The following UBE2G1 variants were observed in gnomAD, a reference collection of about 807,000 sequenced individuals.
UBE2G1 encodes the protein ubiquitin-conjugating enzyme E2 G1.
Under a neutral mutation model 22.7 loss-of-function variants are expected in UBE2G1, and 5 were observed. The observed-to-expected ratio is 0.22, with a 90% CI of 0.12 to 0.46. The LOEUF (loss-of-function observed/expected upper bound fraction) is 0.46, where lower values mean the gene tolerates loss of function less well. UBE2G1 is among the 20% of genes least tolerant of loss of function. The pLI is 0.99. For synonymous variants in UBE2G1, 74 were observed against 67.5 expected (o/e 1.10, Z -0.47); for missense variants, 88 against 203.9 (o/e 0.43, Z 3.46).
chr17:4,293,055 T>C (rs2143703594), intron 3 of UBE2G1, among the ~76,000 whole-genome samples: 1 of 152,308 alleles, frequency 6.6e-6, no homozygotes, highest in East Asian at 1.9e-4. Context: ...TACAGAGTTG[T>C]ACAATCAATA....
At chr17:4,327,782 C>A (rs981880986) in intron 1 of UBE2G1, among the ~76,000 whole-genome samples, 6 of 152,168 alleles carry the variant, frequency 3.9e-5, no homozygotes, top group African/African-American at 1.2e-4. Context: ...CACCCTCAAG[C>A]CTTCGACGTG....
intron 3 of UBE2G1, among the ~76,000 whole-genome samples, chr17:4,294,443 AAG>A (rs1969083685): frequency 1.4e-5 from 1 of 70,162 alleles, no homozygotes; most frequent in Admixed American, 1.7e-4. Context: ...AAAAAAAAGA[AAG>A]AAACGAAAAG....
chr17:4,301,863 T>C, intron 2 of UBE2G1: 1 of 502,234 alleles, frequency 2.0e-6, no homozygotes, highest in Admixed American at 2.3e-5. Flanking sequence ...ATGAACTTCG[T>C]GAGTTGGCTG....
intron 1 of UBE2G1, among the ~76,000 whole-genome samples, chr17:4,309,638 T>C (rs1050132789): frequency 6.6e-6 from 1 of 152,210 alleles, no homozygotes; most frequent in Non-Finnish European, 1.5e-5. Flanking sequence ...TGAGGAGTTA[T>C]TTTCTACATG....
intron 1 of UBE2G1, among the ~76,000 whole-genome samples, chr17:4,344,194 G>A (rs1170281059): frequency 6.6e-6 from 1 of 152,164 alleles, no homozygotes; most frequent in Non-Finnish European, 1.5e-5. Context: ...AGTACTTAGA[G>A]CTGTTAACAC....
chr17:4,291,866 T>C (rs1009486107), intron 3 of UBE2G1, among the ~76,000 whole-genome samples: 2 of 152,232 alleles, frequency 1.3e-5, no homozygotes, highest in Admixed American at 6.5e-5. Context: ...ATATAACCTG[T>C]ATGTCCTTCC....
At chr17:4,295,595 C>T (rs1276568102) in intron 3 of UBE2G1, among the ~76,000 whole-genome samples, 4 of 152,062 alleles carry the variant, frequency 2.6e-5, no homozygotes, top group Non-Finnish European at 5.9e-5. Context: ...AAGCCAAATG[C>T]AAATTAGTAT....
chr17:4,366,393 G>A lies in UBE2G1; in HGVS notation c.-77C>T. 4.4e-6 allele frequency: 6 copies of A among 1,352,064 alleles called. No individual in the cohort carries two copies. The highest frequency in any genetic ancestry group is 5.7e-6 in the Non-Finnish European group (6 of 1,046,420). 83.8% of individuals were successfully genotyped at this position (1,352,064 alleles called of 1,614,324 possible). ...CAGGCTCTGGGGGCGGCTGGAGCGGGGTGTGCCGAGGAACCCGGGCCCCGC... is the reference window on the plus strand; with the variant it reads ...CAGGCTCTGGGGGCGGCTGGAGCGGAGTGTGCCGAGGAACCCGGGCCCCGC... On this transcript the variant is annotated 5_prime_UTR_variant, in exon 1 of 6. Coordinates refer to ENST00000396981, the MANE Select transcript of UBE2G1 (RefSeq NM_003342.5).
intron 5 of UBE2G1, among the ~76,000 whole-genome samples, chr17:4,275,892 G>A (rs528899714): frequency 1.3e-5 from 2 of 152,226 alleles, no homozygotes; most frequent in South Asian, 4.1e-4. Flanking sequence ...CGTGCTGCTC[G>A]TCGTCTTCTA....
intron 1 of UBE2G1, among the ~76,000 whole-genome samples, chr17:4,330,116 C>A (rs1969554265): frequency 1.3e-5 from 2 of 152,068 alleles, no homozygotes; most frequent in Non-Finnish European, 2.9e-5. Flanking sequence ...ATGAGTCATG[C>A]ATCTACGAAG....
chr17:4,358,130 T>C (rs1466101993), intron 1 of UBE2G1, among the ~76,000 whole-genome samples: 2 of 152,226 alleles, frequency 1.3e-5, no homozygotes, highest in Non-Finnish European at 2.9e-5. Context: ...TTTTTAATTT[T>C]AACTATTCTA....
rs555151428 is a variant in UBE2G1, at chr17:4,326,937, A to G, written c.47-19814T>C. Among the ~76,000 whole-genome samples, 6 of 152,288 alleles carry G rather than the reference A, an allele frequency of 3.9e-5. No individual in the cohort carries two copies. The South Asian group carries it at 1.2e-3, about 32-fold the overall frequency. ...CAGCACTTGGGAGGCCAAGGTGGGC[A>G]GATCACCTGAGGTCAGGAGTTTGAA... On this transcript the variant is annotated intron_variant, in intron 1 of 5. Transcript: ENST00000396981.
intron 1 of UBE2G1, among the ~76,000 whole-genome samples, chr17:4,308,866 T>G (rs746934557): frequency 1.1e-4 from 16 of 152,198 alleles, no homozygotes; most frequent in Admixed American, 2.0e-4. Context: ...TTTAGGTAAC[T>G]GAGGAGATAT....
At chr17:4,325,893 C>T (rs1467875526) in intron 1 of UBE2G1, among the ~76,000 whole-genome samples, 1 of 152,078 alleles carries the variant, frequency 6.6e-6, no homozygotes, top group African/African-American at 2.4e-5. Flanking sequence ...ATAAACAACA[C>T]TAGGGAAACT....
At chr17:4,312,462 C>T (rs1004582786) in intron 1 of UBE2G1, among the ~76,000 whole-genome samples, 5 of 151,752 alleles carry the variant, frequency 3.3e-5, no homozygotes, top group Admixed American at 3.3e-4. Context: ...ATAGGGAGGC[C>T]GAGGCAGGCG....
intron 3 of UBE2G1, among the ~76,000 whole-genome samples, chr17:4,290,415 A>G (rs1372317876): frequency 1.3e-5 from 2 of 152,292 alleles, no homozygotes; most frequent in South Asian, 2.1e-4. Flanking sequence ...GTATCTACCA[A>G]TCAATATCAT....
chr17:4,290,309 A>C (rs927894852), intron 3 of UBE2G1, among the ~76,000 whole-genome samples: 2 of 152,222 alleles, frequency 1.3e-5, no homozygotes, highest in Non-Finnish European at 2.9e-5. Flanking sequence ...ATAGTCTAAC[A>C]AATTTGTGAA....
intron 1 of UBE2G1, among the ~76,000 whole-genome samples, chr17:4,346,962 G>A (rs1357747741): frequency 6.6e-6 from 1 of 151,382 alleles, no homozygotes; most frequent in African/African-American, 2.4e-5. Context: ...AGACCAACCT[G>A]GCCAACACAG....
chr17:4,281,626 C>T (rs748606967), intron 5 of UBE2G1, among the ~76,000 whole-genome samples: 7 of 152,150 alleles, frequency 4.6e-5, no homozygotes, highest in Admixed American at 6.5e-5. Flanking sequence ...TGTAGCTGGA[C>T]AACTCTTAGA....
Sources: allele counts gnomAD v4.1 joint callset (sites outside exome capture counted in the v4.1 genomes callset), GRCh38; gene constraint gnomAD v4.1.1; transcripts MANE v1.5; gene names NCBI Gene and HGNC (gene_info 2026-07-23, HGNC 2026-07-21).